PLEKHH1: variants seen among roughly 807,000 people sequenced by gnomAD.
The protein encoded by PLEKHH1 is pleckstrin homology, MyTH4 and FERM domain containing H1.
PLEKHH1 carries 104 observed loss-of-function variants against 160.0 expected under a neutral mutation model. The observed-to-expected ratio is 0.65, with a 90% CI of 0.55 to 0.76. PLEKHH1 has a LOEUF of 0.76. PLEKHH1 is among the 30% of genes least tolerant of loss of function. The probability of loss-of-function intolerance (pLI) is 0.00; values close to 1 mark genes in which losing one functional copy is unlikely to be tolerated. For missense variants in PLEKHH1, 1,427 were observed against 1,724.1 expected (o/e 0.83, Z 3.05); for synonymous variants, 619 against 678.4 (o/e 0.91, Z 1.36).
At chr14:67,555,769 C>T (rs921789072) in intron 2 of PLEKHH1, 56 bp from the exon 3 acceptor site, 12 of 1,599,630 alleles carry the variant, frequency 7.5e-6, no homozygotes, top group Admixed American at 5.2e-5. Context: ...GCCTTGATGC[C>T]GTGTTCACAG....
At chr14:67,586,648 T>G (rs2036177529) in intron 28 of PLEKHH1, 1 of 448,640 alleles carries the variant, frequency 2.2e-6, no homozygotes, top group Non-Finnish European at 3.8e-6. Flanking sequence ...AAGTTCTGAT[T>G]TATTGTTCCT....
rs2036297080 is a variant in PLEKHH1, at chr14:67,589,408, C to CAA, written c.*2176_*2177dup. On this transcript the variant is annotated 3_prime_UTR_variant, in exon 29 of 29. Transcript: ENST00000329153. ...TGGCCTTTTGTCTCATCCTTCTTGG[C>CAA]AAAAGTAGCTTTTGAACTGATATAA... is the stretch of plus-strand genomic sequence containing the variant. 35 of 985,188 alleles carry CAA rather than the reference C, an allele frequency of 3.6e-5. No homozygotes were observed. Among genetic ancestry groups the CAA allele is most frequent in the Non-Finnish European group, 4.2e-5 (35 of 829,828 alleles). 61.0% of individuals were successfully genotyped at this position (985,188 alleles called of 1,614,324 possible).
chr14:67,576,622 C>A lies in PLEKHH1; in HGVS notation c.2461+119C>A. 1 of 569,712 alleles carries A rather than the reference C, an allele frequency of 1.8e-6. No homozygotes were observed. The allele number at this position is 569,712 out of a possible 1,614,324, so 35.3% of individuals were successfully genotyped here. A position where few individuals can be genotyped will look rare whatever the true frequency, so the allele number is the denominator to read the frequency against. ...AGCTGTTTTTAAAACATCTAAGCCA[C>A]AGAGGGGAAGTTCCCATCCAAGCTC... On this transcript the variant is annotated intron_variant, in intron 17 of 28. Coordinates refer to ENST00000329153, the MANE Select transcript of PLEKHH1 (RefSeq NM_020715.3). The surrounding 1 kb of genome is among the most constrained non-coding windows in gnomAD (Gnocchi z 4.0).
intron 2 of PLEKHH1, among the ~76,000 whole-genome samples, chr14:67,549,460 G>A (rs1392365234): frequency 6.6e-6 from 1 of 151,924 alleles, no homozygotes; most frequent in Non-Finnish European, 1.5e-5. Flanking sequence ...TAGTAGCGAC[G>A]GGGTTTCACC....
Position 67,578,651 on chromosome 14 carries a change from T to C in PLEKHH1, c.2849+20T>C, listed in dbSNP as rs377467087. 1.1e-5 allele frequency: 16 copies of C among 1,495,780 alleles called. No individual in the cohort carries two copies. Among genetic ancestry groups the C allele is most frequent in the African/African-American group, 1.4e-5 (1 of 72,420 alleles). The allele number at this position is 1,495,780 out of a possible 1,614,324, so 92.7% of individuals were successfully genotyped here. A position where few individuals can be genotyped will look rare whatever the true frequency, so the allele number is the denominator to read the frequency against. The stretch of plus-strand genomic sequence containing the variant: ...TCCCAGGTGAGTGAACCTGGCCGTT[T>C]CCTCTGCCACTTGAGCACTGCCAAC... On this transcript the variant is annotated intron_variant, in intron 20 of 28. Transcript: ENST00000329153. The surrounding 1 kb of genome is among the most constrained non-coding windows in gnomAD (Gnocchi z 5.0).
At chr14:67,580,166 T>C in intron 22 of PLEKHH1, 1 of 312,704 alleles carries the variant, frequency 3.2e-6, no homozygotes, top group Non-Finnish European at 6.0e-6. Flanking sequence ...GTAGGGACAG[T>C]GAGGCCCCAC....
chr14:67,575,845 T>C lies in PLEKHH1; in HGVS notation c.2192T>C (p.Val731Ala), dbSNP rs372844208. The change falls in exon 16 of 29, where the codon GTG (valine) becomes GCG (alanine). Residue 731 changes from valine (V) to alanine (A), a missense_variant. By Grantham distance (64) the Val-to-Ala change is moderately conservative (BLOSUM62 0). Transcript: ENST00000329153. ...EDKRPLGCLP[V>A]RDAHIEEVDR... The stretch of plus-strand genomic sequence containing the variant: ...CAGCGACCCCTGGGCTGCCTGCCTG[T>C]GCGGGATGCGCACATAGAGGAAGTA... The C allele has an allele frequency of 1.2e-6, 2 of 1,613,734 alleles. No homozygotes were observed. Among genetic ancestry groups the C allele is most frequent in the Non-Finnish European group, 8.5e-7 (1 of 1,179,806 alleles).
chr14:67,565,178 A>C (rs1214485125), intron 7 of PLEKHH1, among the ~76,000 whole-genome samples: 1 of 152,226 alleles, frequency 6.6e-6, no homozygotes. Flanking sequence ...TCAGGAAACC[A>C]CTGTTCCCCA....
chr14:67,537,277 G>A (rs926080818), intron 1 of PLEKHH1, among the ~76,000 whole-genome samples: 1 of 148,334 alleles, frequency 6.7e-6, no homozygotes, highest in Non-Finnish European at 1.5e-5. Context: ...CCGGGAGGCG[G>A]AGGTTGCAGA....
rs979042242 is a variant in PLEKHH1, at chr14:67,578,916, A to G, written c.2850-218A>G. Reference sequence around the variant, plus strand: ...TGTCCCCAAGTGCTATTCTGTTGTTATGTCCTCTGGGTTCTAGAAGAAAAT... The same window carrying G: ...TGTCCCCAAGTGCTATTCTGTTGTTGTGTCCTCTGGGTTCTAGAAGAAAAT... On this transcript the variant is annotated intron_variant, in intron 20 of 28. Coordinates refer to ENST00000329153, the MANE Select transcript of PLEKHH1 (RefSeq NM_020715.3). The surrounding 1 kb of genome is among the most constrained non-coding windows in gnomAD (Gnocchi z 5.0). Among the ~76,000 whole-genome samples, 8 of 152,210 alleles carry G rather than the reference A, an allele frequency of 5.3e-5. No homozygotes were observed. The highest frequency in any genetic ancestry group is 7.2e-5 in the African/African-American group (3 of 41,452).
intron 17 of PLEKHH1, among the ~76,000 whole-genome samples, 159 bp from the exon 18 acceptor site, chr14:67,577,143 G>A (rs141056603): frequency 1.9e-3 from 290 of 152,274 alleles, no homozygotes; most frequent in Non-Finnish European, 2.9e-3. Context: ...GTGCCCACCT[G>A]TACACCCCAC....
chr14:67,568,265 T>A (rs2035202386), intron 7 of PLEKHH1, among the ~76,000 whole-genome samples: 1 of 152,090 alleles, frequency 6.6e-6, no homozygotes, highest in Non-Finnish European at 1.5e-5. Flanking sequence ...CGTGCAGCCA[T>A]AAACAGGAAT....
intron 2 of PLEKHH1, 32 bp from the exon 3 acceptor site, chr14:67,555,793 C>T (rs1566733746): frequency 1.9e-6 from 3 of 1,611,470 alleles, no homozygotes; most frequent in East Asian, 2.2e-5. Context: ...GGACATGGCA[C>T]CTACATCTCC....
At chr14:67,563,015 C>A in intron 7 of PLEKHH1, 121 bp downstream of exon 7, 2 of 1,000,210 alleles carry the variant, frequency 2.0e-6, no homozygotes, top group Non-Finnish European at 2.9e-6. Flanking sequence ...GTGGCCCTGG[C>A]AGGCAGGTAC....
Position 67,582,794 on chromosome 14 carries a change from G to A in PLEKHH1, c.3426+584G>A, listed in dbSNP as rs2035967202. ...AGAGGTTGCAGTGAGCCAAGATCAT[G>A]CCATTGCACTACAGCCTAGGCGACA... On this transcript the variant is annotated intron_variant, in intron 24 of 28. Coordinates refer to ENST00000329153, the MANE Select transcript of PLEKHH1 (RefSeq NM_020715.3). The surrounding 1 kb of genome is among the most constrained non-coding windows in gnomAD (Gnocchi z 5.0). Among the ~76,000 whole-genome samples, 1 of 152,196 alleles carries A rather than the reference G, an allele frequency of 6.6e-6. No individual in the cohort carries two copies. The highest frequency in any genetic ancestry group is 6.5e-5 in the Admixed American group (1 of 15,276).
chr14:67,570,074 C>A, intron 9 of PLEKHH1, 62 bp downstream of exon 9: 2 of 1,145,264 alleles, frequency 1.7e-6, no homozygotes, highest in Non-Finnish European at 1.3e-6. Flanking sequence ...CCTCATCATC[C>A]AATGACTGGG....
At chr14:67,553,743 G>A (rs59155762) in intron 2 of PLEKHH1, among the ~76,000 whole-genome samples, 11,693 of 152,252 alleles carry the variant, frequency 0.077, 480 homozygotes, top group East Asian at 0.13. Context: ...TATCTGCCCC[G>A]TGGCTGCATG....
At chr14:67,579,997 T>G in intron 22 of PLEKHH1, 121 bp downstream of exon 22, 4 of 927,588 alleles carry the variant, frequency 4.3e-6, no homozygotes, top group Non-Finnish European at 6.4e-6. Flanking sequence ...GAGCCCAAGG[T>G]GCTGCCCTAG....
At position 67,574,144 on chromosome 14, in the gene PLEKHH1, G is replaced by A; in HGVS notation, c.1927-98G>A. 9.0e-7 allele frequency: 1 copy of A among 1,113,994 alleles called. No individual in the cohort carries two copies. Among genetic ancestry groups the A allele is most frequent in the Non-Finnish European group, 1.3e-6 (1 of 789,310 alleles). 69.0% of individuals were successfully genotyped at this position (1,113,994 alleles called of 1,614,324 possible). On this transcript the variant is annotated intron_variant, in intron 13 of 28. Coordinates refer to ENST00000329153, the MANE Select transcript of PLEKHH1 (RefSeq NM_020715.3). The surrounding 1 kb of genome is among the most constrained non-coding windows in gnomAD (Gnocchi z 4.2). ...GAGCACTAGGGCAGGCAGAAGGCCA[G>A]CCCCTTGGGTTCAGGGACAGGTGCC... is the stretch of plus-strand genomic sequence containing the variant.
Sources: gnomAD v4.1 joint callset for allele counts (sites outside exome capture counted in the v4.1 genomes callset) on GRCh38, gnomAD v4.1.1 for gene constraint, Gnocchi (gnomAD v3.1) non-coding constraint, MANE v1.5 for transcripts, NCBI Gene and HGNC (gene_info 2026-07-23, HGNC 2026-07-21) for gene names.